The following SCAP variants were observed in gnomAD, a reference collection of about 807,000 sequenced individuals.
The protein encoded by SCAP is SREBF chaperone.
A neutral mutation model predicts 123.6 loss-of-function variants in SCAP; 65 were observed. The observed-to-expected ratio is 0.53, with a 90% confidence interval of 0.43 to 0.65. The LOEUF (loss-of-function observed/expected upper bound fraction) is 0.65. SCAP is among the 30% of genes least tolerant of loss of function. SCAP has a pLI of 0.00. For synonymous variants in SCAP, 740 were observed against 726.3 expected, an observed-to-expected ratio of 1.02 and a Z score of -0.30; for missense variants, 1,398 against 1,712.5, an observed-to-expected ratio of 0.82 and a Z score of 3.24.
Position 47,418,344 on chromosome 3 carries a change from G to A in SCAP, c.2308C>T (p.Leu770Phe). 6.4e-7 allele frequency: 1 copy of A among 1,569,148 alleles called. No individual in the cohort carries two copies. Among genetic ancestry groups the A allele is most frequent in the Non-Finnish European group, 8.6e-7 (1 of 1,158,242 alleles). The stretch of plus-strand genomic sequence containing the variant: ...ACCATGAGGTGGCCGCGCAGCACAA[G>A]CGGCACGATCTCCGTCTCGGGTGGC... The part of the protein sequence containing the change: ...YAPPETEIVP[L>F]VLRGHLMDIE... Residue 770 changes from leucine (L) to phenylalanine (F), a missense_variant, in exon 15 of 23, where the codon CTT (leucine) becomes TTT (phenylalanine). Coordinates refer to ENST00000265565, the MANE Select transcript of SCAP (RefSeq NM_012235.4).
chr3:47,476,789 G>A (rs945172308), upstream of SCAP: 1 of 153,748 alleles, frequency 6.5e-6, no homozygotes, highest in East Asian at 1.9e-4. Flanking sequence ...GCCCAGCTCT[G>A]GCCCAACTAG....
chr3:47,438,947 G>C (rs1706694754), intron 2 of SCAP, among the ~76,000 whole-genome samples: 2 of 152,028 alleles, frequency 1.3e-5, no homozygotes, highest in African/African-American at 4.8e-5. Flanking sequence ...TGGCTGTGAA[G>C]GTAGAAGACT....
chr3:47,441,874 C>CTT (rs1160447716), intron 2 of SCAP, among the ~76,000 whole-genome samples: 2,091 of 76,270 alleles, frequency 0.027, 16 homozygotes, highest in African/African-American at 0.037. Context: ...GTTCATCTTT[C>CTT]TTTTTTTTTT....
chr3:47,441,638 T>C (rs1166753397), intron 2 of SCAP, among the ~76,000 whole-genome samples: 1 of 152,110 alleles, frequency 6.6e-6, no homozygotes, highest in Non-Finnish European at 1.5e-5. Flanking sequence ...ACAAACATAC[T>C]GAGCCAGAGT....
At position 47,426,187 on chromosome 3, in the gene SCAP, TG is replaced by T; in HGVS notation, c.738-19del. 1 of 1,606,770 alleles carries T rather than the reference TG, an allele frequency of 6.2e-7. No homozygotes were observed. Among genetic ancestry groups the T allele is most frequent in the Admixed American group, 1.7e-5 (1 of 57,818 alleles). The stretch of plus-strand genomic sequence containing the variant: ...CCAGGAACCTGGTCAAGGAGCAGGG[TG>T]GGGGTAAATGGAAGTGTTGCTCTTG... On this transcript the variant is annotated intron_variant, in intron 6 of 22. Transcript: ENST00000265565.
chr3:47,442,264 G>A (rs936264313), intron 2 of SCAP, among the ~76,000 whole-genome samples: 6 of 152,112 alleles, frequency 3.9e-5, no homozygotes, highest in East Asian at 1.9e-4. Context: ...CCTTTACGAC[G>A]TCATTGTCAG....
intron 3 of SCAP, among the ~76,000 whole-genome samples, chr3:47,429,471 C>G (rs570608838): frequency 9.2e-5 from 14 of 152,308 alleles, no homozygotes; most frequent in African/African-American, 2.6e-4. Flanking sequence ...CCCCACCCAC[C>G]AAGTAGCTGA....
At chr3:47,466,143 A>AG (rs1296085249) in intron 1 of SCAP, among the ~76,000 whole-genome samples, 1 of 151,436 alleles carries the variant, frequency 6.6e-6, no homozygotes, top group African/African-American at 2.4e-5. Context: ...AACCAAAAAA[A>AG]AAAAAAAAAA....
At chr3:47,457,447 A>C (rs1172910082) in intron 1 of SCAP, among the ~76,000 whole-genome samples, 1 of 152,132 alleles carries the variant, frequency 6.6e-6, no homozygotes, top group African/African-American at 2.4e-5. Flanking sequence ...GGAATAACTG[A>C]ATCACCTTGT....
At chr3:47,441,864 G>A (rs1179886653) in intron 2 of SCAP, among the ~76,000 whole-genome samples, 1 of 129,116 alleles carries the variant, frequency 7.7e-6, no homozygotes, top group African/African-American at 2.9e-5. Flanking sequence ...TCTCAGTGAT[G>A]TTCATCTTTC....
intron 3 of SCAP, among the ~76,000 whole-genome samples, chr3:47,433,196 A>G (rs1559551374): frequency 2.6e-5 from 4 of 152,184 alleles, no homozygotes; most frequent in African/African-American, 9.7e-5. Flanking sequence ...CCTGTTCTTC[A>G]TAACTAAAAC....
At chr3:47,476,742 G>A (rs987140082), upstream of SCAP, among the ~76,000 whole-genome samples, 4 of 152,102 alleles carry the variant, frequency 2.6e-5, no homozygotes, top group African/African-American at 9.7e-5. Context: ...GGGAAGGGGA[G>A]GCTGCCTCCC....
chr3:47,467,189 CAT>C (rs1253979776), intron 1 of SCAP, among the ~76,000 whole-genome samples: 5 of 151,832 alleles, frequency 3.3e-5, no homozygotes, highest in Admixed American at 2.6e-4. Context: ...ATTCACAAAT[CAT>C]ATATCTAACA....
At position 47,417,702 on chromosome 3, in the gene SCAP, G is replaced by T. The variant is rs752400239; in HGVS notation, c.2572C>A (p.Pro858Thr). ...AGGGAAGGCGGCGGAGGGCCCCGGG[G>T]GCGGTGTCTCAGGGGAGGGCTGTCC... ...PGDSPPLRHR[P>T]RGPPPPSLFG... The change falls in exon 17 of 23, where the codon CCC becomes ACC. Residue 858 changes from proline (P) to threonine (T), a missense_variant. Pro to Thr is a conservative substitution (Grantham distance 38). Coordinates refer to ENST00000265565, the MANE Select transcript of SCAP (RefSeq NM_012235.4). 1.9e-6 allele frequency: 3 copies of T among 1,608,482 alleles called. No individual in the cohort carries two copies. In the African/African-American group the frequency reaches 4.1e-5, roughly 22 times the overall value.
intron 1 of SCAP, among the ~76,000 whole-genome samples, chr3:47,470,302 C>T (rs1015303137): frequency 1.3e-5 from 2 of 151,992 alleles, no homozygotes; most frequent in East Asian, 3.9e-4. Context: ...AGTGCATCAC[C>T]GTTGGGAAAA....
At chr3:47,436,388 T>C (rs1050396478) in intron 2 of SCAP, among the ~76,000 whole-genome samples, 1 of 152,202 alleles carries the variant, frequency 6.6e-6, no homozygotes, top group African/African-American at 2.4e-5. Context: ...TCCCAACACT[T>C]TGGGAGAGGC....
chr3:47,461,452 TCA>T (rs569006408), intron 1 of SCAP, among the ~76,000 whole-genome samples: 2 of 152,306 alleles, frequency 1.3e-5, no homozygotes, highest in Admixed American at 1.3e-4. Flanking sequence ...TTCCAAATGT[TCA>T]CAGTCACTTC....
chr3:47,447,364 G>T (rs901410483), intron 1 of SCAP, among the ~76,000 whole-genome samples: 3 of 151,998 alleles, frequency 2.0e-5, no homozygotes, highest in Non-Finnish European at 4.4e-5. Flanking sequence ...CTGCACTCCA[G>T]CCTAGGTGAC....
At chr3:47,416,817 G>A (rs1291210696) in intron 18 of SCAP, among the ~76,000 whole-genome samples, 8 of 151,036 alleles carry the variant, frequency 5.3e-5, no homozygotes, top group Non-Finnish European at 8.8e-5. Context: ...TAGTAGAGAC[G>A]GGGTTTCACC....
Sources: allele counts gnomAD v4.1 joint callset (sites outside exome capture counted in the v4.1 genomes callset), GRCh38; gene constraint gnomAD v4.1.1; transcripts MANE v1.5; gene names NCBI Gene and HGNC (gene_info 2026-07-23, HGNC 2026-07-21).